The following SH3BGRL variants were observed in gnomAD, a reference collection of about 807,000 sequenced individuals.
SH3BGRL encodes adapter SH3BGRL.
Under a neutral mutation model 9.8 loss-of-function variants are expected in SH3BGRL, and 7 were observed. The observed-to-expected ratio is 0.72, with a 90% confidence interval of 0.41 to 1.35. The LOEUF (loss-of-function observed/expected upper bound fraction) is 1.35. Among genes scored for constraint, SH3BGRL ranks in the 40% most tolerant of loss-of-function variants. The pLI, the probability that SH3BGRL is intolerant of heterozygous loss-of-function variation, is 0.01. For missense variants in SH3BGRL, 73 were observed against 84.4 expected (o/e 0.86, Z 0.53); for synonymous variants, 36 against 29.1 (o/e 1.24, Z -0.76).
At chrX:81,241,012 G>T (rs1378573371) in intron 1 of SH3BGRL, among the ~76,000 whole-genome samples, 1 of 112,843 alleles carries the variant, frequency 8.9e-6, no homozygotes, top group East Asian at 2.8e-4. Context: ...CCTCTCAGGG[G>T]CCTGGAAATC....
intron 1 of SH3BGRL, among the ~76,000 whole-genome samples, chrX:81,276,131 A>G (rs778520114): frequency 5.4e-5 from 6 of 110,759 alleles, no homozygotes; most frequent in Non-Finnish European, 7.6e-5. Flanking sequence ...GTTAATTACC[A>G]TTGATGTGTG....
intron 1 of SH3BGRL, among the ~76,000 whole-genome samples, chrX:81,222,708 A>C (rs2075603899): frequency 1.8e-5 from 2 of 111,364 alleles, no homozygotes; most frequent in Non-Finnish European, 3.8e-5. Flanking sequence ...TGGCTGGGTC[A>C]AATGGTATTT....
chrX:81,258,900 G>A (rs17328576), intron 1 of SH3BGRL, among the ~76,000 whole-genome samples: 5,787 of 112,083 alleles, frequency 0.052, 162 homozygotes, highest in South Asian at 0.22. Flanking sequence ...GCTATTGTAT[G>A]TATCCACTTT....
intron 1 of SH3BGRL, among the ~76,000 whole-genome samples, chrX:81,203,545 G>A (rs73634723): frequency 0.046 from 5,113 of 111,491 alleles, 294 homozygotes; most frequent in African/African-American, 0.16. Flanking sequence ...TTCCATACAT[G>A]TTGTCTAATA....
At chrX:81,262,321 C>T (rs759160977) in intron 1 of SH3BGRL, among the ~76,000 whole-genome samples, 1 of 111,595 alleles carries the variant, frequency 9.0e-6, no homozygotes, top group East Asian at 2.8e-4. Context: ...TCAATAAGTC[C>T]GTTGCTATAA....
At chrX:81,275,864 TAGAA>T (rs903516677) in intron 1 of SH3BGRL, among the ~76,000 whole-genome samples, 4 of 111,907 alleles carry the variant, frequency 3.6e-5, no homozygotes, top group Middle Eastern at 4.2e-3. Context: ...ACGAGCAACT[TAGAA>T]AGACAAAAAC....
At chrX:81,217,246 A>AT (rs1325010492) in intron 1 of SH3BGRL, among the ~76,000 whole-genome samples, 1 of 108,266 alleles carries the variant, frequency 9.2e-6, no homozygotes, top group Non-Finnish European at 1.9e-5. Context: ...TTTATCTTTA[A>AT]TTTTTTGTTT....
At chrX:81,241,373 A>G (rs2075668857) in intron 1 of SH3BGRL, among the ~76,000 whole-genome samples, 1 of 112,244 alleles carries the variant, frequency 8.9e-6, no homozygotes. Flanking sequence ...CCCACCTTCA[A>G]GACAGATAAA....
Position 81,242,699 on chromosome X carries a change from T to C in SH3BGRL, c.46-34285T>C, listed in dbSNP as rs992333916. On this transcript the variant is annotated intron_variant, in intron 1 of 3. Coordinates refer to ENST00000373212, the MANE Select transcript of SH3BGRL (RefSeq NM_003022.3). ...GACAAGGTATTAATAACCAGAATAC[T>C]TAAGGAGCCCAAACAGCTCTAGAGG... is the stretch of plus-strand genomic sequence containing the variant. Among the ~76,000 whole-genome samples, 3 of 111,521 alleles carry C rather than the reference T, an allele frequency of 2.7e-5. No individual in the cohort carries two copies. In the Admixed American group the frequency reaches 2.8e-4, roughly 11 times the overall value.
At chrX:81,286,462 A>C (rs1047174333) in intron 3 of SH3BGRL, among the ~76,000 whole-genome samples, 17 of 94,387 alleles carry the variant, frequency 1.8e-4, no homozygotes, top group African/African-American at 6.6e-4. Context: ...CTGCATGTTC[A>C]TAAACTTAGC....
chrX:81,224,386 A>G (rs948180942), intron 1 of SH3BGRL, among the ~76,000 whole-genome samples: 2 of 111,569 alleles, frequency 1.8e-5, no homozygotes, highest in Admixed American at 1.9e-4. Flanking sequence ...AATGACCTTA[A>G]CTCTACTTCC....
intron 1 of SH3BGRL, among the ~76,000 whole-genome samples, chrX:81,260,101 T>C (rs1268218095): frequency 8.9e-6 from 1 of 111,779 alleles, no homozygotes; most frequent in Non-Finnish European, 1.9e-5. Context: ...GGTATTCTTG[T>C]TTTTTCTTAG....
intron 3 of SH3BGRL, among the ~76,000 whole-genome samples, chrX:81,290,050 G>A (rs141603222): frequency 3.6e-5 from 4 of 111,847 alleles, no homozygotes; most frequent in Non-Finnish European, 5.6e-5. Flanking sequence ...CAGTTAATAT[G>A]GCTTTTATCC....
Position 81,278,372 on chromosome X carries a change from G to C in SH3BGRL, c.273G>C (p.Val91=). ...AFFEARENNA[V]YAFLGLTAPP... ...TTGAAGCCAGAGAAAATAATGCAGT[G>C]TATGCCTTCTTAGGCTTGACAGCCC... The change falls in exon 3 of 4, where the codon GTG becomes GTC. Residue 91 remains valine, a synonymous_variant. Transcript: ENST00000373212. 1 of 1,201,090 alleles carries C rather than the reference G, an allele frequency of 8.3e-7. No homozygotes were observed. Among genetic ancestry groups the C allele is most frequent in the Non-Finnish European group, 1.1e-6 (1 of 887,805 alleles).
In SH3BGRL at chrX:81,298,229, C is replaced by G. The variant is rs1416411431; in HGVS notation, c.*1002C>G. The G allele has an allele frequency of 9.0e-6, 1 of 111,353 alleles. No individual in the cohort carries two copies. Among genetic ancestry groups the G allele is most frequent in the Non-Finnish European group, 1.9e-5 (1 of 52,808 alleles). 9.2% of individuals were successfully genotyped at this position (111,353 alleles called of 1,213,427 possible). On this transcript the variant is annotated 3_prime_UTR_variant, in exon 4 of 4. Coordinates refer to ENST00000373212, the MANE Select transcript of SH3BGRL (RefSeq NM_003022.3). Reference sequence around the variant, plus strand: ...GTGTATTAGTCTAAGCAGTGAGAATCTTTTCTATGCCTCTATTCCAGCAAA... The same window carrying G: ...GTGTATTAGTCTAAGCAGTGAGAATGTTTTCTATGCCTCTATTCCAGCAAA...
chrX:81,259,286 G>A (rs1259648553), intron 1 of SH3BGRL, among the ~76,000 whole-genome samples: 1 of 112,034 alleles, frequency 8.9e-6, no homozygotes, highest in Non-Finnish European at 1.9e-5. Flanking sequence ...TGTGGTTTTA[G>A]GATGTGGATT....
intron 1 of SH3BGRL, among the ~76,000 whole-genome samples, chrX:81,263,497 G>T (rs1367504107): frequency 1.8e-5 from 2 of 112,007 alleles, no homozygotes; most frequent in African/African-American, 6.5e-5. Flanking sequence ...TTCACCTGAA[G>T]AGGTGAAAGT....
intron 1 of SH3BGRL, among the ~76,000 whole-genome samples, chrX:81,229,707 G>C (rs1201257374): frequency 1.8e-5 from 2 of 111,865 alleles, no homozygotes; most frequent in African/African-American, 3.3e-5. Flanking sequence ...ACATCCAGCT[G>C]CTTGTGTGTT....
intron 3 of SH3BGRL, among the ~76,000 whole-genome samples, chrX:81,289,683 C>A (rs774894018): frequency 9.0e-6 from 1 of 110,697 alleles, no homozygotes; most frequent in South Asian, 3.9e-4. Context: ...CAAGGTGAAA[C>A]CCCGTCTCTA....
Sources: gnomAD v4.1 joint callset for allele counts (sites outside exome capture counted in the v4.1 genomes callset) on GRCh38, gnomAD v4.1.1 for gene constraint, MANE v1.5 for transcripts, NCBI Gene and HGNC (gene_info 2026-07-23, HGNC 2026-07-21) for gene names.